The following SGCZ variants were observed in gnomAD, a reference collection of about 807,000 sequenced individuals.
SGCZ encodes the protein sarcoglycan zeta, also known as zeta-sarcoglycan.
In SGCZ, 40 loss-of-function variants were observed where a neutral mutation model predicts 41.3. The ratio of observed to expected loss-of-function variants is 0.97; its 90% CI spans 0.75 to 1.26. SGCZ has a LOEUF of 1.26. Among genes scored for constraint, SGCZ ranks in the 50% most tolerant of loss-of-function variants. The probability of loss-of-function intolerance (pLI) is 0.00; values close to 1 mark genes in which losing one functional copy is unlikely to be tolerated. For synonymous variants in SGCZ, 206 were observed against 137.5 expected (o/e 1.50, Z -3.49); for missense variants, 552 against 369.8 (o/e 1.49, Z -4.04).
chr8:14,554,026 C>A (rs1217025670), intron 2 of SGCZ, among the ~76,000 whole-genome samples: 2 of 152,002 alleles, frequency 1.3e-5, no homozygotes, highest in Non-Finnish European at 2.9e-5. Flanking sequence ...TTTGCTGAAG[C>A]CACAAAATTT....
intron 1 of SGCZ, among the ~76,000 whole-genome samples, chr8:15,112,487 T>C (rs1563132553): frequency 6.6e-6 from 1 of 152,224 alleles, no homozygotes; most frequent in Non-Finnish European, 1.5e-5. Flanking sequence ...AAAACATCTC[T>C]TCCTATTGAG....
chr8:14,920,677 C>T (rs191661505), intron 1 of SGCZ, among the ~76,000 whole-genome samples: 37 of 152,090 alleles, frequency 2.4e-4, no homozygotes, highest in African/African-American at 7.2e-4. Flanking sequence ...AATGGAGATA[C>T]GAGAGATTTA....
intron 1 of SGCZ, among the ~76,000 whole-genome samples, chr8:15,201,915 T>C (rs533540522): frequency 6.6e-6 from 1 of 152,226 alleles, no homozygotes; most frequent in African/African-American, 2.4e-5. Context: ...ACAGTATTTT[T>C]AAATGTTTTC....
chr8:14,405,379 AAGATTT>A (rs1799185737), intron 2 of SGCZ, among the ~76,000 whole-genome samples: 1 of 152,218 alleles, frequency 6.6e-6, no homozygotes. Flanking sequence ...ACATTCCATT[AAGATTT>A]AAACTAAAAT....
At chr8:15,183,461 A>T (rs1205859845) in intron 1 of SGCZ, among the ~76,000 whole-genome samples, 1 of 152,174 alleles carries the variant, frequency 6.6e-6, no homozygotes, top group Non-Finnish European at 1.5e-5. Flanking sequence ...ATTAACCAAA[A>T]CTTCACTCTA....
At chr8:14,707,215 G>T (rs1290928160) in intron 1 of SGCZ, among the ~76,000 whole-genome samples, 1 of 123,770 alleles carries the variant, frequency 8.1e-6, no homozygotes, top group African/African-American at 3.1e-5. Flanking sequence ...CCCAGTGTGT[G>T]ATGTTCCCCT....
At chr8:14,391,376 T>A (rs555658441) in intron 2 of SGCZ, among the ~76,000 whole-genome samples, 121 of 152,234 alleles carry the variant, frequency 7.9e-4, no homozygotes, top group Non-Finnish European at 1.3e-3. Flanking sequence ...AATTCATGCA[T>A]AAAGATAAAG....
intron 1 of SGCZ, among the ~76,000 whole-genome samples, chr8:14,759,734 G>A (rs1476136679): frequency 6.6e-6 from 1 of 152,142 alleles, no homozygotes; most frequent in Non-Finnish European, 1.5e-5. Flanking sequence ...AGTTGTGACA[G>A]CTTTGGAAGT....
chr8:14,820,565 C>A (rs1802044714), intron 1 of SGCZ, among the ~76,000 whole-genome samples: 2 of 152,068 alleles, frequency 1.3e-5, no homozygotes, highest in African/African-American at 2.4e-5. Flanking sequence ...GCATTTGGAA[C>A]ATTTTCCAGG....
At chr8:15,191,910 T>G (rs1279223217) in intron 1 of SGCZ, among the ~76,000 whole-genome samples, 2 of 152,018 alleles carry the variant, frequency 1.3e-5, no homozygotes, top group Non-Finnish European at 2.9e-5. Context: ...GGGCTCAGAT[T>G]GCTGGATTTG....
At chr8:15,142,650 T>C (rs1798922424) in intron 1 of SGCZ, among the ~76,000 whole-genome samples, 1 of 151,068 alleles carries the variant, frequency 6.6e-6, no homozygotes, top group African/African-American at 2.4e-5. Context: ...ACCAGGAAAA[T>C]AAATGCTTCC....
chr8:14,863,867 T>C (rs1262815773), intron 1 of SGCZ, among the ~76,000 whole-genome samples: 4 of 152,080 alleles, frequency 2.6e-5, no homozygotes, highest in African/African-American at 7.2e-5. Flanking sequence ...GTACCTTTCA[T>C]GGGGAGGGCT....
chr8:14,349,790 C>A (rs964478881), intron 2 of SGCZ, among the ~76,000 whole-genome samples: 1 of 152,058 alleles, frequency 6.6e-6, no homozygotes, highest in African/African-American at 2.4e-5. Flanking sequence ...TACTATGTCT[C>A]AAAGTGTATC....
chr8:14,993,813 T>C (rs1802111608), intron 1 of SGCZ, among the ~76,000 whole-genome samples: 1 of 152,152 alleles, frequency 6.6e-6, no homozygotes, highest in African/African-American at 2.4e-5. Context: ...GGTAGGGATT[T>C]ATGGGCCTCT....
rs373056297 is a variant in SGCZ at position 14,685,725 on chromosome 8, CAAAGT to C, written c.40-130804_40-130800del. On this transcript the variant is annotated intron_variant, in intron 1 of 7. Transcript: ENST00000382080. ...ATTACATATAAAGCTAGTTTTTATG[CAAAGT>C]AAAATGTATGATTTAATTTACAGGA... 1.5e-3 allele frequency among the ~76,000 whole-genome samples: 231 copies of C among 152,060 alleles called. 1 individual carries two copies. The South Asian group carries it at 0.02, about 13-fold the overall frequency.
At chr8:14,482,890 C>T (rs1026399905) in intron 2 of SGCZ, among the ~76,000 whole-genome samples, 22 of 152,030 alleles carry the variant, frequency 1.4e-4, no homozygotes, top group Admixed American at 1.2e-3. Flanking sequence ...ACACCACTGG[C>T]TCCCCTGGGT....
intron 3 of SGCZ, among the ~76,000 whole-genome samples, chr8:14,284,815 C>A (rs558763402): frequency 1.3e-5 from 2 of 152,200 alleles, no homozygotes; most frequent in Admixed American, 6.5e-5. Context: ...ACTATTTTCA[C>A]TAATAGAATA....
intron 1 of SGCZ, among the ~76,000 whole-genome samples, chr8:14,769,040 C>T (rs1800139984): frequency 6.6e-6 from 1 of 151,778 alleles, no homozygotes; most frequent in African/African-American, 2.4e-5. Context: ...CACACACACA[C>T]AAACACACAC....
chr8:14,303,853 G>T (rs978707442), intron 3 of SGCZ, among the ~76,000 whole-genome samples: 3 of 151,998 alleles, frequency 2.0e-5, no homozygotes, highest in Non-Finnish European at 2.9e-5. Context: ...CTGGGATCAG[G>T]CCATTCTCCT....
Sources: gnomAD v4.1 joint callset for allele counts (sites outside exome capture counted in the v4.1 genomes callset) on GRCh38, gnomAD v4.1.1 for gene constraint, MANE v1.5 for transcripts, NCBI Gene and HGNC (gene_info 2026-07-23, HGNC 2026-07-21) for gene names.